FRAS1: variants seen among roughly 807,000 people sequenced by gnomAD.
FRAS1 encodes the protein extracellular matrix organizing protein FRAS1.
A neutral mutation model predicts 435.2 loss-of-function variants in FRAS1; 290 were observed. The observed-to-expected ratio is 0.67, with a 90% confidence interval of 0.61 to 0.73. The LOEUF is 0.73. Ranked by LOEUF, FRAS1 falls within the 30% of genes least tolerant of loss-of-function variation. FRAS1 has a pLI of 0.00. For synonymous variants in FRAS1, 1,800 were observed against 1,851.0 expected (o/e 0.97, Z 0.71); for missense variants, 4,860 against 5,001.5 (o/e 0.97, Z 0.85).
At chr4:78,316,770 A>G (rs2110234039) in intron 16 of FRAS1, among the ~76,000 whole-genome samples, 1 of 152,354 alleles carries the variant, frequency 6.6e-6, no homozygotes, top group East Asian at 1.9e-4. Context: ...CAAAGCTGGA[A>G]GTATCTTAAA....
At chr4:78,090,896 A>G (rs549540326) in intron 2 of FRAS1, among the ~76,000 whole-genome samples, 1 of 152,342 alleles carries the variant, frequency 6.6e-6, no homozygotes, top group East Asian at 1.9e-4. Context: ...GATTATAATT[A>G]TGTGCAGCAT....
At chr4:78,223,531 A>G (rs1724140659) in intron 2 of FRAS1, among the ~76,000 whole-genome samples, 1 of 152,190 alleles carries the variant, frequency 6.6e-6, no homozygotes, top group Admixed American at 6.5e-5. Context: ...ACTTTAATTC[A>G]TTAATCTAAT....
intron 2 of FRAS1, among the ~76,000 whole-genome samples, chr4:78,120,769 T>C (rs949431402): frequency 6.6e-6 from 1 of 152,202 alleles, no homozygotes; most frequent in Non-Finnish European, 1.5e-5. Context: ...CTTAGGACAC[T>C]TAAGCCCAAT....
intron 9 of FRAS1, among the ~76,000 whole-genome samples, chr4:78,268,123 G>A (rs1405527374): frequency 2.0e-5 from 3 of 151,776 alleles, no homozygotes; most frequent in Non-Finnish European, 2.9e-5. Context: ...AGTTGTCTCC[G>A]TCTCTCTCAC....
At chr4:78,267,469 G>C in intron 9 of FRAS1, 37 bp downstream of exon 9, 1 of 1,589,500 alleles carries the variant, frequency 6.3e-7, no homozygotes. Context: ...GAACGTTGCA[G>C]CTCTTTCCAA....
At chr4:78,509,127 G>T (rs1361003557) in intron 63 of FRAS1, 121 bp downstream of exon 63, 9 of 1,096,958 alleles carry the variant, frequency 8.2e-6, no homozygotes, top group Non-Finnish European at 1.1e-5. Context: ...AAACAAATAA[G>T]CAGGTGCACA....
intron 69 of FRAS1, among the ~76,000 whole-genome samples, chr4:78,525,188 C>T (rs2109897526): frequency 6.6e-6 from 1 of 152,278 alleles, no homozygotes; most frequent in South Asian, 2.1e-4. Flanking sequence ...AGAGCCCCTA[C>T]AGGGTTTGAA....
intron 2 of FRAS1, among the ~76,000 whole-genome samples, chr4:78,214,039 G>T (rs1723634072): frequency 6.6e-6 from 1 of 152,194 alleles, no homozygotes; most frequent in South Asian, 2.1e-4. Context: ...TGCATCTTCG[G>T]GAAAGTAGTT....
chr4:78,440,071 G>C (rs1338646602), intron 40 of FRAS1, among the ~76,000 whole-genome samples: 1 of 145,134 alleles, frequency 6.9e-6, no homozygotes, highest in Non-Finnish European at 1.5e-5. Context: ...TCGCCCAGGC[G>C]GGACTGCGGA....
At chr4:78,253,439 G>T (rs190664370) in intron 5 of FRAS1, among the ~76,000 whole-genome samples, 7 of 152,302 alleles carry the variant, frequency 4.6e-5, no homozygotes, top group Admixed American at 3.9e-4. Flanking sequence ...GGGATTAAAA[G>T]ATTAAAGACA....
intron 14 of FRAS1, among the ~76,000 whole-genome samples, chr4:78,297,855 T>G (rs1326134064): frequency 6.6e-6 from 1 of 152,064 alleles, no homozygotes. Flanking sequence ...ATGTGAGAGA[T>G]AAGCTGTGGT....
intron 2 of FRAS1, among the ~76,000 whole-genome samples, chr4:78,161,205 A>G (rs997849605): frequency 2.6e-5 from 4 of 152,222 alleles, no homozygotes; most frequent in Admixed American, 1.3e-4. Flanking sequence ...TATTTTAATT[A>G]AAAGAAATAA....
chr4:78,122,052 C>A (rs1418459789), intron 2 of FRAS1, among the ~76,000 whole-genome samples: 1 of 152,100 alleles, frequency 6.6e-6, no homozygotes, highest in Non-Finnish European at 1.5e-5. Context: ...TAGGTATACA[C>A]GTGCCATGGT....
At chr4:78,393,835 T>C (rs1304417892) in intron 29 of FRAS1, among the ~76,000 whole-genome samples, 1 of 152,002 alleles carries the variant, frequency 6.6e-6, no homozygotes, top group African/African-American at 2.4e-5. Flanking sequence ...GGAGCCTTCA[T>C]AGTAGCTGTA....
chr4:78,438,293 G>A (rs1245125749), intron 38 of FRAS1, among the ~76,000 whole-genome samples: 1 of 152,008 alleles, frequency 6.6e-6, no homozygotes, highest in Non-Finnish European at 1.5e-5. Flanking sequence ...ATAACAACAG[G>A]GAATCTCTTT....
intron 2 of FRAS1, among the ~76,000 whole-genome samples, chr4:78,173,696 C>A (rs1045205585): frequency 2.6e-5 from 4 of 152,216 alleles, no homozygotes; most frequent in Non-Finnish European, 5.9e-5. Context: ...CTATAAGGTG[C>A]ATAAAGTTGG....
At position 78,379,916 on chromosome 4, in the gene FRAS1, G is replaced by C. The variant is rs774644349; in HGVS notation, c.3483G>C (p.Gln1161His). The C allele has an allele frequency of 6.2e-7, 1 of 1,613,938 alleles. No homozygotes were observed. The highest frequency in any genetic ancestry group is 2.2e-5 in the East Asian group (1 of 44,872). ...LVLSRNGKEV[Q>H]LDKAGRFSWK... is the part of the protein sequence containing the mutation. ...TCTCAAGAAATGGAAAAGAGGTTCA[G>C]CTGGACAAGGCTGGCCGTTTTAGCT... is the stretch of plus-strand genomic sequence containing the variant. The change falls in exon 27 of 74, where the codon CAG (glutamine) becomes CAC (histidine). Residue 1161 changes from glutamine (Q) to histidine (H), a missense_variant. Transcript: ENST00000512123.
At chr4:78,220,287 T>C (rs968172505) in intron 2 of FRAS1, among the ~76,000 whole-genome samples, 3 of 152,230 alleles carry the variant, frequency 2.0e-5, no homozygotes, top group Non-Finnish European at 4.4e-5. Flanking sequence ...CAAGAATGGA[T>C]TTTACATTTT....
intron 68 of FRAS1, 138 bp downstream of exon 68, chr4:78,521,768 C>A (rs1422693696): frequency 3.6e-6 from 2 of 562,636 alleles, no homozygotes; most frequent in Non-Finnish European, 6.2e-6. Flanking sequence ...CACATACATC[C>A]ATCCATACAT....
Sources: allele counts gnomAD v4.1 joint callset (sites outside exome capture counted in the v4.1 genomes callset), GRCh38; gene constraint gnomAD v4.1.1; transcripts MANE v1.5; gene names NCBI Gene and HGNC (gene_info 2026-07-23, HGNC 2026-07-21).